Variants in BET1 observed in about 807,000 individuals in gnomAD.
BET1 encodes the protein Bet1 golgi vesicular membrane trafficking protein, also known as BET1 homolog.
In BET1, 9 loss-of-function variants were observed where a neutral mutation model predicts 13.9. The ratio of observed to expected loss-of-function variants is 0.65; its 90% confidence interval spans 0.39 to 1.13. The LOEUF (loss-of-function observed/expected upper bound fraction) is 1.13. BET1 is among the 50% of genes most tolerant of loss of function. The pLI is 0.01. For missense variants in BET1, 127 were observed against 133.6 expected (o/e 0.95, Z 0.24); for synonymous variants, 39 against 47.3 (o/e 0.82, Z 0.72).
intron 2 of BET1, among the ~76,000 whole-genome samples, chr7:93,998,864 C>G (rs908917240): frequency 6.7e-6 from 1 of 150,284 alleles, no homozygotes; most frequent in Non-Finnish European, 1.5e-5. Flanking sequence ...TTAAAAAAAG[C>G]AGAAGAGCTA....
rs1795690460 is a variant in BET1 at position 93,993,709 on chromosome 7, G to A, written c.*521C>T. On this transcript the variant is annotated 3_prime_UTR_variant, in exon 4 of 4. Transcript: ENST00000222547. ...GGTCATTATCATCAAAAATTATTAG[G>A]AAGATTGTAGGTAAAAAGAAATCAG... 7.4e-7 allele frequency: 1 copy of A among 1,354,658 alleles called. No homozygotes were observed. Among genetic ancestry groups the A allele is most frequent in the African/African-American group, 1.5e-5 (1 of 67,048 alleles). The allele number at this position is 1,354,658 out of a possible 1,614,324, so 83.9% of individuals were successfully genotyped here.
At chr7:93,975,287 G>A (rs1223478892) in intron 5 of BET1, among the ~76,000 whole-genome samples, 1 of 152,022 alleles carries the variant, frequency 6.6e-6, no homozygotes, top group East Asian at 1.9e-4. Context: ...TAAAGCAACT[G>A]TATTTTTCTA....
chr7:93,980,971 C>T (rs968715767), intron 4 of BET1, among the ~76,000 whole-genome samples: 5 of 152,096 alleles, frequency 3.3e-5, no homozygotes, highest in South Asian at 2.1e-4. Context: ...TCGCCATTTA[C>T]GTATCTTAGT....
At chr7:93,976,162 T>C (rs1398227054) in intron 4 of BET1, 7 of 1,079,272 alleles carry the variant, frequency 6.5e-6, no homozygotes, top group Middle Eastern at 2.6e-4. Context: ...CAAAACAACA[T>C]TTAAAGTAGA....
intron 5 of BET1, among the ~76,000 whole-genome samples, chr7:93,975,648 C>A (rs1795323790): frequency 6.6e-6 from 1 of 152,052 alleles, no homozygotes; most frequent in African/African-American, 2.4e-5. Context: ...CCAGTTAATG[C>A]TGTTTTTTGC....
intron 4 of BET1, among the ~76,000 whole-genome samples, chr7:93,976,703 C>T (rs75498297): frequency 0.014 from 2,108 of 151,888 alleles, 52 homozygotes; most frequent in African/African-American, 0.049. Flanking sequence ...CAATCGTTTT[C>T]GGAGAATAGA....
At chr7:93,996,982 TTTGCTTTAAAATATGATAATAAATTG>T (rs1795783664) in intron 2 of BET1, among the ~76,000 whole-genome samples, 2 of 151,938 alleles carry the variant, frequency 1.3e-5, no homozygotes, top group Admixed American at 6.6e-5. Flanking sequence ...TTTAAAGGTT[TTTGCTTTAAAATATGATAATAAATTG>T]AAAAAAATAA....
chr7:93,975,970 G>C, exon 5 of BET1: 8 of 1,271,080 alleles, frequency 6.3e-6, no homozygotes, highest in South Asian at 1.3e-5. Context: ...TAATTCTGCA[G>C]CTGTGATAGA....
Position 93,993,569 on chromosome 7 carries a change from G to C in BET1, c.*661C>G. The C allele has an allele frequency of 9.4e-7, 1 of 1,060,926 alleles. No homozygotes were observed. Among genetic ancestry groups the C allele is most frequent in the Non-Finnish European group, 1.1e-6 (1 of 877,428 alleles). The allele number at this position is 1,060,926 out of a possible 1,614,324, so 65.7% of individuals were successfully genotyped here. On this transcript the variant is annotated 3_prime_UTR_variant, in exon 4 of 4. Coordinates refer to ENST00000222547, the MANE Select transcript of BET1 (RefSeq NM_005868.6). ...AAGCCAAGTCAAGAGAATTCATAAA[G>C]TTAATATGAAATAATAACTATACTG... is the stretch of plus-strand genomic sequence containing the variant.
Position 94,002,048 on chromosome 7 carries a change from C to G in BET1, c.19+2150G>C, listed in dbSNP as rs56227772. On this transcript the variant is annotated intron_variant, in intron 1 of 3. Transcript: ENST00000222547. ...CTATGACCCATCCCAAATACAATGA[C>G]AAAAGTAAAAACCAAATAAAATGCT... is the stretch of plus-strand genomic sequence containing the variant. Among the ~76,000 whole-genome samples, 1,101 of 152,198 alleles carry G rather than the reference C, an allele frequency of 7.2e-3. 11 individuals are homozygous for G. The highest frequency in any genetic ancestry group is 0.024 in the African/African-American group (995 of 41,538).
chr7:93,996,258 C>A lies in BET1; in HGVS notation c.201+7G>T, dbSNP rs1171032535. The A allele has an allele frequency of 6.4e-7, 1 of 1,552,200 alleles. No homozygotes were observed. Among genetic ancestry groups the A allele is most frequent in the Admixed American group, 1.8e-5 (1 of 54,116 alleles). The stretch of plus-strand genomic sequence containing the variant: ...AATTTCTTAAAGTTAAAATCATAAC[C>A]ACTTACCATTTCAGCTAATAATTTA... On this transcript the variant is annotated splice_region_variant and intron_variant, in intron 3 of 3. Coordinates refer to ENST00000222547, the MANE Select transcript of BET1 (RefSeq NM_005868.6).
intron 4 of BET1, among the ~76,000 whole-genome samples, chr7:93,981,570 C>G (rs758469962): frequency 4.6e-5 from 7 of 152,172 alleles, no homozygotes; most frequent in Admixed American, 1.3e-4. Flanking sequence ...GAGCATACTA[C>G]TTAAGCTGTC....
At position 93,993,926 on chromosome 7, in the gene BET1, C is replaced by G; in HGVS notation, c.*304G>C. On this transcript the variant is annotated 3_prime_UTR_variant, in exon 4 of 4. Transcript: ENST00000222547. The stretch of plus-strand genomic sequence containing the variant: ...GGACATAAACCTGCATTTATGATTA[C>G]AACAAAATATTATAATGCTATTTAA... The G allele has an allele frequency of 6.5e-7, 1 of 1,534,916 alleles. No homozygotes were observed. Among genetic ancestry groups the G allele is most frequent in the Non-Finnish European group, 8.7e-7 (1 of 1,146,466 alleles).
chr7:93,995,491 G>A (rs1795745474), intron 3 of BET1, among the ~76,000 whole-genome samples: 1 of 152,110 alleles, frequency 6.6e-6, no homozygotes, highest in Non-Finnish European at 1.5e-5. Flanking sequence ...CACCGGAGAT[G>A]CTTTTTCATG....
At chr7:93,986,383 C>T (rs1310733877) in intron 4 of BET1, among the ~76,000 whole-genome samples, 1 of 152,136 alleles carries the variant, frequency 6.6e-6, no homozygotes, top group Non-Finnish European at 1.5e-5. Context: ...AATGGATTGC[C>T]TGTTCTGAAA....
intron 4 of BET1, among the ~76,000 whole-genome samples, chr7:93,985,983 T>C (rs1036883267): frequency 6.6e-6 from 1 of 152,152 alleles, no homozygotes; most frequent in Non-Finnish European, 1.5e-5. Context: ...GATTTAAATG[T>C]TTTTATCTTT....
In BET1 at chr7:93,999,248, A is replaced by G; in HGVS notation, c.66T>C (p.Asn22=). 1 of 1,613,346 alleles carries G rather than the reference A, an allele frequency of 6.2e-7. No homozygotes were observed. Among genetic ancestry groups the G allele is most frequent in the East Asian group, 2.2e-5 (1 of 44,844 alleles). The change falls in exon 2 of 4, where the codon AAT becomes AAC. Residue 22 remains asparagine, a synonymous_variant. Coordinates refer to ENST00000222547, the MANE Select transcript of BET1 (RefSeq NM_005868.6). ...PGNYGNYGYA[N]SGYSACEEEN... is the part of the protein sequence containing the mutation. ...CTTCTTCACAGGCACTATACCCACT[A>G]TTAGCATAGCCATAGTTCCCATAGT...
At chr7:93,996,209 C>T (rs1342201478) in intron 3 of BET1, 56 bp downstream of exon 3, 3 of 1,280,358 alleles carry the variant, frequency 2.3e-6, no homozygotes, top group Non-Finnish European at 3.3e-6. Flanking sequence ...AGTTGAAATT[C>T]TATTATTTGC....
intron 3 of BET1, among the ~76,000 whole-genome samples, chr7:93,995,316 G>T (rs1795739031): frequency 2.0e-5 from 3 of 152,078 alleles, no homozygotes; most frequent in African/African-American, 7.2e-5. Context: ...AGATGAGAGA[G>T]GCTTAGGTAG....
Sources: allele counts gnomAD v4.1 joint callset (sites outside exome capture counted in the v4.1 genomes callset), GRCh38; gene constraint gnomAD v4.1.1; transcripts MANE v1.5; gene names NCBI Gene and HGNC (gene_info 2026-07-23, HGNC 2026-07-21).